ADGRB3: variants seen among roughly 807,000 people sequenced by gnomAD.
ADGRB3 encodes the protein brain-specific angiogenesis inhibitor 3.
A neutral mutation model predicts 193.4 loss-of-function variants in ADGRB3; 37 were observed. The observed-to-expected ratio is 0.19, with a 90% CI of 0.15 to 0.25. ADGRB3 has a LOEUF of 0.25. Among genes scored for constraint, ADGRB3 ranks in the 10% least tolerant of loss-of-function variants. ADGRB3 has a pLI of 1.00. For missense variants in ADGRB3, 1,637 were observed against 1,852.9 expected (o/e 0.88, Z 2.14); for synonymous variants, 690 against 644.2 (o/e 1.07, Z -1.08).
intron 3 of ADGRB3, among the ~76,000 whole-genome samples, chr6:68,884,301 T>G (rs1405087949): frequency 2.0e-5 from 3 of 151,704 alleles, no homozygotes; most frequent in Non-Finnish European, 4.4e-5. Flanking sequence ...GGGCTCAGGG[T>G]TTGGGGGAGA....
intron 10 of ADGRB3, among the ~76,000 whole-genome samples, chr6:68,990,483 A>T (rs1024395997): frequency 3.3e-5 from 5 of 152,094 alleles, no homozygotes; most frequent in Non-Finnish European, 7.4e-5. Context: ...CCTGTTTGCT[A>T]AGAGCTGGAC....
At chr6:69,106,512 C>T (rs1561920870) in intron 17 of ADGRB3, among the ~76,000 whole-genome samples, 1 of 152,314 alleles carries the variant, frequency 6.6e-6, no homozygotes, top group African/African-American at 2.4e-5. Flanking sequence ...AAGTAAATCA[C>T]CTTTTGAAAA....
intron 20 of ADGRB3, among the ~76,000 whole-genome samples, chr6:69,298,363 A>G (rs1767874484): frequency 6.6e-6 from 1 of 152,000 alleles, no homozygotes; most frequent in Admixed American, 6.6e-5. Flanking sequence ...TTTTACGTAT[A>G]TATAATAATT....
chr6:69,106,556 C>A (rs1439692285), intron 17 of ADGRB3, among the ~76,000 whole-genome samples: 2 of 152,218 alleles, frequency 1.3e-5, no homozygotes, highest in Admixed American at 6.5e-5. Context: ...TGCTCCTCAA[C>A]CAACTTATTT....
At chr6:69,316,130 G>A (rs1768305352) in intron 20 of ADGRB3, among the ~76,000 whole-genome samples, 3 of 151,030 alleles carry the variant, frequency 2.0e-5, no homozygotes, top group African/African-American at 7.3e-5. Flanking sequence ...TTTTTAAGAT[G>A]CTAACACCTT....
chr6:69,086,542 A>G lies in ADGRB3; in HGVS notation c.2480+10504A>G, dbSNP rs531881167. Among the ~76,000 whole-genome samples the G allele has an allele frequency of 2.5e-4, 38 of 152,260 alleles. 1 individual carries two copies. In the South Asian group the frequency reaches 3.5e-3, roughly 14 times the overall value. ...CATTATAATCTTTAGCAGTGAGATTATGTTTACTAGGTTTTATGATACTGT... is the reference window on the plus strand; with the variant it reads ...CATTATAATCTTTAGCAGTGAGATTGTGTTTACTAGGTTTTATGATACTGT... On this transcript the variant is annotated intron_variant, in intron 17 of 31. Transcript: ENST00000370598.
chr6:69,081,465 C>CA (rs1772383856), intron 17 of ADGRB3, among the ~76,000 whole-genome samples: 2 of 151,732 alleles, frequency 1.3e-5, no homozygotes, highest in African/African-American at 2.4e-5. Flanking sequence ...AGAAATATTA[C>CA]AAAAAGCAAT....
chr6:68,731,337 A>G (rs532700050), intron 3 of ADGRB3, among the ~76,000 whole-genome samples: 14 of 151,712 alleles, frequency 9.2e-5, no homozygotes, highest in African/African-American at 3.4e-4. Context: ...TTTATGTTCA[A>G]TTCATTTACA....
chr6:68,807,324 G>A lies in ADGRB3; in HGVS notation c.758-123235G>A, dbSNP rs543298239. The stretch of plus-strand genomic sequence containing the variant: ...GCGATCTCAGCTCACTGCAGGCTCC[G>A]CCCCGCGGGGTTCACGCCATTCTCC... On this transcript the variant is annotated intron_variant, in intron 3 of 31. Coordinates refer to ENST00000370598, the MANE Select transcript of ADGRB3 (RefSeq NM_001704.3). Among the ~76,000 whole-genome samples, 17 of 134,094 alleles carry A rather than the reference G, an allele frequency of 1.3e-4. No homozygotes were observed. The South Asian group carries it at 2.3e-3, about 18-fold the overall frequency. 88.0% of individuals were successfully genotyped at this position (134,094 alleles called of 152,430 possible).
chr6:69,075,389 G>T (rs894656446), intron 16 of ADGRB3, among the ~76,000 whole-genome samples: 2 of 152,110 alleles, frequency 1.3e-5, no homozygotes, highest in Non-Finnish European at 2.9e-5. Context: ...GAAGGTCACG[G>T]CAGGTACTCA....
intron 3 of ADGRB3, among the ~76,000 whole-genome samples, chr6:68,914,511 C>T (rs1252641512): frequency 6.6e-6 from 1 of 152,086 alleles, no homozygotes; most frequent in Non-Finnish European, 1.5e-5. Context: ...TTTGTCACCA[C>T]CAGGCCTGCC....
At chr6:69,131,624 G>GT (rs1315170884) in intron 17 of ADGRB3, among the ~76,000 whole-genome samples, 1 of 151,576 alleles carries the variant, frequency 6.6e-6, no homozygotes, top group Non-Finnish European at 1.5e-5. Context: ...AACTGCCTTC[G>GT]TTTTTTATTT....
intron 3 of ADGRB3, among the ~76,000 whole-genome samples, chr6:68,693,763 G>A (rs572017094): frequency 1.3e-5 from 2 of 151,878 alleles, no homozygotes; most frequent in African/African-American, 4.8e-5. Flanking sequence ...GACGCATACC[G>A]CAGTGTATCA....
intron 31 of ADGRB3, among the ~76,000 whole-genome samples, chr6:69,388,440 C>T (rs773775449): frequency 6.6e-6 from 1 of 152,094 alleles, no homozygotes. Flanking sequence ...AACAAAACAT[C>T]GCCTACTTTG....
chr6:69,055,054 T>G (rs1332343417), intron 15 of ADGRB3, among the ~76,000 whole-genome samples: 2 of 152,136 alleles, frequency 1.3e-5, no homozygotes, highest in African/African-American at 4.8e-5. Context: ...ATAACATCTT[T>G]TTGTTGTATC....
At chr6:69,376,524 GAC>G (rs946205141) in intron 30 of ADGRB3, among the ~76,000 whole-genome samples, 2 of 152,004 alleles carry the variant, frequency 1.3e-5, no homozygotes, top group African/African-American at 4.8e-5. Flanking sequence ...AGAAGACACA[GAC>G]ACAGGGTAAT....
At chr6:69,297,366 CTTTCTCTCTCTCTCTCTCTCTCTCTA>C in intron 20 of ADGRB3, among the ~76,000 whole-genome samples, 1 of 115,578 alleles carries the variant, frequency 8.7e-6, no homozygotes, top group African/African-American at 4.3e-5. Flanking sequence ...CTCTCTCTCT[CTTTCTCTCTCTCTCTCTCTCTCTCTA>C]TCTCTCTCTC....
intron 16 of ADGRB3, among the ~76,000 whole-genome samples, chr6:69,073,786 TGGG>T (rs1772148340): frequency 6.6e-6 from 1 of 152,160 alleles, no homozygotes; most frequent in African/African-American, 2.4e-5. Flanking sequence ...TGGACGTTAG[TGGG>T]CAGGTGAAAA....
At chr6:68,770,989 A>G (rs1766606469) in intron 3 of ADGRB3, among the ~76,000 whole-genome samples, 1 of 152,134 alleles carries the variant, frequency 6.6e-6, no homozygotes, top group Admixed American at 6.6e-5. Context: ...GAAAAGTGGT[A>G]TTGTGTAATG....
Sources: allele counts gnomAD v4.1 joint callset (sites outside exome capture counted in the v4.1 genomes callset), GRCh38; gene constraint gnomAD v4.1.1; transcripts MANE v1.5; gene names NCBI Gene and HGNC (gene_info 2026-07-23, HGNC 2026-07-21).